Variants in CPAP observed in about 807,000 individuals in gnomAD.
CPAP encodes centrosome assembly and centriole elongation protein.
chr13:24,933,121 T>C, the CPAP span: 5 of 1,578,764 alleles, frequency 3.2e-6, no homozygotes, highest in Non-Finnish European at 4.3e-6. Context: ...GTTTTCCTTT[T>C]CATTAAATCC....
At chr13:24,913,980 G>A in the CPAP span, among the ~76,000 whole-genome samples, 1 of 152,168 alleles carries the variant, frequency 6.6e-6, no homozygotes, top group Non-Finnish European at 1.5e-5. Context: ...CTTACTCTGT[G>A]CCAGATATTG....
the CPAP span, among the ~76,000 whole-genome samples, chr13:24,927,197 C>T: frequency 6.6e-6 from 1 of 152,156 alleles, no homozygotes; most frequent in Non-Finnish European, 1.5e-5. Context: ...CTTATTAGCC[C>T]AATGGGGGGG....
At chr13:24,922,887 AGTGAGGATCTCACCCGCGCGTCTGCGCT>A in the CPAP span, 3 of 152,436 alleles carry the variant, frequency 2.0e-5, no homozygotes, top group Admixed American at 2.0e-4. Context: ...TCCTGTGGGA[AGTGAGGATCTCACCCGCGCGTCTGCGCT>A]AAAGCGCAGG....
the CPAP span, among the ~76,000 whole-genome samples, chr13:24,931,818 G>A: frequency 1.3e-5 from 2 of 152,006 alleles, no homozygotes; most frequent in East Asian, 1.9e-4. Context: ...CTTCTTTCCC[G>A]CCCTTGCGAA....
At chr13:24,895,363 CAGG>C in the CPAP span, among the ~76,000 whole-genome samples, 8 of 152,124 alleles carry the variant, frequency 5.3e-5, no homozygotes, top group South Asian at 2.1e-4. Context: ...ATCACAAGGT[CAGG>C]AGATCAAGAC....
the CPAP span, among the ~76,000 whole-genome samples, chr13:24,897,560 G>C: frequency 6.6e-6 from 1 of 152,048 alleles, no homozygotes; most frequent in Non-Finnish European, 1.5e-5. Context: ...AAAAAGAACA[G>C]AAATACATAG....
chr13:24,904,976 AAG>A, the CPAP span, among the ~76,000 whole-genome samples: 2 of 152,180 alleles, frequency 1.3e-5, no homozygotes, highest in Non-Finnish European at 2.9e-5. Context: ...AGTATACAAA[AAG>A]AGTCTTTTCA....
the CPAP span, among the ~76,000 whole-genome samples, chr13:24,887,794 G>T: frequency 6.6e-6 from 1 of 152,192 alleles, no homozygotes; most frequent in African/African-American, 2.4e-5. Context: ...ATGCCAAAAA[G>T]GTTGGGGACT....
chr13:24,907,183 C>CTTAA, the CPAP span: 2 of 1,609,986 alleles, frequency 1.2e-6, no homozygotes, highest in Admixed American at 3.3e-5. Context: ...CCAATAGCAG[C>CTTAA]TTTAATGGGC....
chr13:24,926,380 T>C, the CPAP span, among the ~76,000 whole-genome samples: 6,187 of 152,226 alleles, frequency 0.041, 214 homozygotes, highest in African/African-American at 0.094. Flanking sequence ...ACTGTTGTTT[T>C]CAATAACCCA....
At chr13:24,888,931 T>C in the CPAP span, among the ~76,000 whole-genome samples, 1 of 152,060 alleles carries the variant, frequency 6.6e-6, no homozygotes, top group Non-Finnish European at 1.5e-5. Context: ...GTATTGCAGA[T>C]CTCCATTTTT....
At chr13:24,897,067 G>C in the CPAP span, among the ~76,000 whole-genome samples, 1 of 152,074 alleles carries the variant, frequency 6.6e-6, no homozygotes, top group Non-Finnish European at 1.5e-5. Context: ...AACACTCTAA[G>C]AATTGCTAGT....
chr13:24,890,706 G>A, the CPAP span, among the ~76,000 whole-genome samples: 3 of 152,316 alleles, frequency 2.0e-5, no homozygotes, highest in South Asian at 4.1e-4. Flanking sequence ...TGTTCACAGA[G>A]ATGACCTCTG....
the CPAP span, among the ~76,000 whole-genome samples, chr13:24,903,544 C>A: frequency 6.6e-6 from 1 of 152,218 alleles, no homozygotes; most frequent in Non-Finnish European, 1.5e-5. Context: ...GATGCCCGGA[C>A]TTTGGACTTA....
the CPAP span, among the ~76,000 whole-genome samples, chr13:24,914,613 T>C: frequency 6.6e-6 from 1 of 152,044 alleles, no homozygotes; most frequent in Non-Finnish European, 1.5e-5. Flanking sequence ...TCTTATTCTT[T>C]TGCTCCTTCC....
the CPAP span, among the ~76,000 whole-genome samples, chr13:24,901,809 T>C: frequency 1.4e-4 from 21 of 152,136 alleles, no homozygotes; most frequent in African/African-American, 4.3e-4. Context: ...CTGGGGAACA[T>C]GGCAAAACCC....
At chr13:24,888,310 C>T in the CPAP span, among the ~76,000 whole-genome samples, 10 of 151,872 alleles carry the variant, frequency 6.6e-5, no homozygotes, top group Admixed American at 1.3e-4. Flanking sequence ...AAAATATTAG[C>T]AGTGCTTGTA....
At chr13:24,885,705 T>C in the CPAP span, 3 of 1,478,082 alleles carry the variant, frequency 2.0e-6, no homozygotes, top group Non-Finnish European at 2.8e-6. Flanking sequence ...TTAGATTTAA[T>C]ATTTAATTGA....
chr13:24,923,083 A>G, the CPAP span, among the ~76,000 whole-genome samples: 1 of 152,156 alleles, frequency 6.6e-6, no homozygotes, highest in Non-Finnish European at 1.5e-5. Context: ...TCCGGGAGAG[A>G]CCTTCCGTGG....
Sources: allele counts gnomAD v4.1 joint callset (sites outside exome capture counted in the v4.1 genomes callset), GRCh38; gene constraint gnomAD v4.1.1; transcripts MANE v1.5; gene names NCBI Gene and HGNC (gene_info 2026-07-23, HGNC 2026-07-21).